MMD: variants seen among roughly 807,000 people sequenced by gnomAD.
MMD encodes monocyte to macrophage differentiation factor.
MMD carries 22 observed loss-of-function variants against 33.6 expected under a neutral mutation model. The ratio of observed to expected loss-of-function variants is 0.66; its 90% confidence interval spans 0.47 to 0.94. MMD has a LOEUF of 0.94. Ranked by LOEUF, MMD falls within the 40% of genes least tolerant of loss-of-function variation. The probability of loss-of-function intolerance (pLI) is 0.00; values close to 1 mark genes in which losing one functional copy is unlikely to be tolerated. For missense variants in MMD, 242 were observed against 309.8 expected, an observed-to-expected ratio of 0.78 and a Z score of 1.64; for synonymous variants, 97 against 103.2, an observed-to-expected ratio of 0.94 and a Z score of 0.36.
intron 1 of MMD, among the ~76,000 whole-genome samples, chr17:55,421,147 A>G (rs531655599): frequency 2.0e-5 from 3 of 152,326 alleles, no homozygotes; most frequent in African/African-American, 7.2e-5. Context: ...CCCTGTTGCT[A>G]GGGCCGTTCA....
In MMD at chr17:55,399,075, T is replaced by C. The variant is rs1057105082; in HGVS notation, c.516+2394A>G. 4.6e-5 allele frequency among the ~76,000 whole-genome samples: 7 copies of C among 152,192 alleles called. No homozygotes were observed. The South Asian group carries it at 6.2e-4, about 14-fold the overall frequency. On this transcript the variant is annotated intron_variant, in intron 6 of 6. Coordinates refer to ENST00000262065, the MANE Select transcript of MMD (RefSeq NM_012329.3). ...ACAAACTGCAGCCATGTCAGTAACC[T>C]GAACTGTAATTTCTGTTTCCTCCAC...
chr17:55,394,706 C>T (rs986955323), intron 6 of MMD, among the ~76,000 whole-genome samples, 172 bp from the exon 7 acceptor site: 3 of 152,212 alleles, frequency 2.0e-5, no homozygotes, highest in African/African-American at 4.8e-5. Context: ...TCTTATACAT[C>T]GACCTGGATT....
At position 55,394,287 on chromosome 17, in the gene MMD, G is replaced by A; in HGVS notation, c.*47C>T. On this transcript the variant is annotated 3_prime_UTR_variant, in exon 7 of 7. Coordinates refer to ENST00000262065, the MANE Select transcript of MMD (RefSeq NM_012329.3). ...TGTTTAGCTCTCACCCCACTCCCAA[G>A]TGCCATAATTGAAATAATACTGGTT... 6 of 1,284,808 alleles carry A rather than the reference G, an allele frequency of 4.7e-6. No homozygotes were observed. The highest frequency in any genetic ancestry group is 6.0e-6 in the Non-Finnish European group (6 of 993,756). 79.6% of individuals were successfully genotyped at this position (1,284,808 alleles called of 1,614,324 possible).
At chr17:55,407,129 G>T (rs1472995779) in intron 4 of MMD, among the ~76,000 whole-genome samples, 1 of 151,956 alleles carries the variant, frequency 6.6e-6, no homozygotes, top group Non-Finnish European at 1.5e-5. Context: ...AGGAGTTCCT[G>T]ACCAGCCTGG....
chr17:55,403,579 G>T (rs1907429254), intron 5 of MMD, among the ~76,000 whole-genome samples, 188 bp downstream of exon 5: 1 of 152,132 alleles, frequency 6.6e-6, no homozygotes, highest in South Asian at 2.1e-4. Flanking sequence ...TACCACTCTT[G>T]TTTTTCCACA....
At chr17:55,401,834 G>A (rs1907340789) in intron 5 of MMD, among the ~76,000 whole-genome samples, 1 of 152,112 alleles carries the variant, frequency 6.6e-6, no homozygotes, top group Admixed American at 6.5e-5. Flanking sequence ...AGCACTTTGG[G>A]AAGCCGAGGC....
chr17:55,396,492 G>A (rs553139925), intron 6 of MMD, among the ~76,000 whole-genome samples: 2 of 152,026 alleles, frequency 1.3e-5, no homozygotes, highest in Non-Finnish European at 2.9e-5. Context: ...CTTTGTTTCC[G>A]TTTTCCAATT....
chr17:55,413,153 A>T (rs1418920322), intron 2 of MMD, among the ~76,000 whole-genome samples: 1 of 152,242 alleles, frequency 6.6e-6, no homozygotes, highest in African/African-American at 2.4e-5. Flanking sequence ...AGTAAATATT[A>T]TTCCTAAAGG....
At chr17:55,405,977 T>G (rs375115572) in intron 4 of MMD, among the ~76,000 whole-genome samples, 2 of 152,198 alleles carry the variant, frequency 1.3e-5, no homozygotes, top group East Asian at 3.8e-4. Flanking sequence ...GGCAGAAAGA[T>G]CAAAGGCAAT....
intron 3 of MMD, among the ~76,000 whole-genome samples, chr17:55,409,896 G>A (rs375510742): frequency 1.4e-4 from 22 of 152,310 alleles, no homozygotes; most frequent in African/African-American, 2.9e-4. Context: ...TGGGCGCTGC[G>A]ACAGTGTGTC....
Position 55,421,811 on chromosome 17 carries a change from C to G in MMD, c.-116G>C, listed in dbSNP as rs1382718142. The G allele has an allele frequency of 7.9e-7, 1 of 1,262,530 alleles. No individual in the cohort carries two copies. Among genetic ancestry groups the G allele is most frequent in the Non-Finnish European group, 1.1e-6 (1 of 939,526 alleles). The allele number at this position is 1,262,530 out of a possible 1,614,324, so 78.2% of individuals were successfully genotyped here. ...GAGGCCGCCTGCGTGTCCAGCGGAA[C>G]CCTTCGGCCGGGTAGGGTCGGAGTG... On this transcript the variant is annotated 5_prime_UTR_variant, in exon 1 of 7. Transcript: ENST00000262065.
At chr17:55,414,925 T>C (rs1285218085) in intron 1 of MMD, among the ~76,000 whole-genome samples, 1 of 152,236 alleles carries the variant, frequency 6.6e-6, no homozygotes, top group Non-Finnish European at 1.5e-5. Flanking sequence ...CTGATTCTTT[T>C]GGCTATAAAA....
chr17:55,399,630 T>C (rs1409930315), intron 6 of MMD, among the ~76,000 whole-genome samples: 1 of 152,256 alleles, frequency 6.6e-6, no homozygotes, highest in Non-Finnish European at 1.5e-5. Context: ...AGCTTCTACA[T>C]GTTTTTCCAA....
At chr17:55,411,228 C>A (rs1907748258) in intron 3 of MMD, 29 bp downstream of exon 3, 1 of 1,595,730 alleles carries the variant, frequency 6.3e-7, no homozygotes, top group Non-Finnish European at 8.5e-7. Context: ...CTATTTGGAT[C>A]TGTTGAAACA....
chr17:55,398,762 GCT>G (rs1321767993), intron 6 of MMD, among the ~76,000 whole-genome samples: 2 of 152,160 alleles, frequency 1.3e-5, no homozygotes, highest in African/African-American at 4.8e-5. Context: ...GGATAGAGTA[GCT>G]CTACTCCTAA....
chr17:55,403,229 A>G (rs1907414305), intron 5 of MMD, among the ~76,000 whole-genome samples: 1 of 152,224 alleles, frequency 6.6e-6, no homozygotes, highest in South Asian at 2.1e-4. Flanking sequence ...TTTTGTTTTT[A>G]TATGGCTCAA....
At chr17:55,409,028 T>A (rs1907661138) in intron 3 of MMD, among the ~76,000 whole-genome samples, 1 of 151,802 alleles carries the variant, frequency 6.6e-6, no homozygotes, top group African/African-American at 2.4e-5. Context: ...ATTCCATAAA[T>A]ATATATACCT....
Position 55,421,626 on chromosome 17 carries a change from C to G in MMD, c.26+44G>C, listed in dbSNP as rs762459736. On this transcript the variant is annotated intron_variant, in intron 1 of 6. Coordinates refer to ENST00000262065, the MANE Select transcript of MMD (RefSeq NM_012329.3). ...CGCTTAACGGCGGGATTTGGGAACC[C>G]GCTTCTGACACGGGCAGCGGGACCG... 21 of 1,591,518 alleles carry G rather than the reference C, an allele frequency of 1.3e-5. No homozygotes were observed. In the South Asian group the frequency reaches 2.3e-4, roughly 18 times the overall value.
chr17:55,421,357 C>A (rs2143170890), intron 1 of MMD, among the ~76,000 whole-genome samples: 1 of 152,260 alleles, frequency 6.6e-6, no homozygotes, highest in South Asian at 2.1e-4. Context: ...GTATGGGGGT[C>A]GGGAGGGTGA....
Sources: allele counts gnomAD v4.1 joint callset (sites outside exome capture counted in the v4.1 genomes callset), GRCh38; gene constraint gnomAD v4.1.1; transcripts MANE v1.5; gene names NCBI Gene and HGNC (gene_info 2026-07-23, HGNC 2026-07-21).